Variants in SWT1 observed in about 807,000 individuals in gnomAD.
The protein encoded by SWT1 is transcriptional protein SWT1.
In SWT1, 33 loss-of-function variants were observed where a neutral mutation model predicts 107.3. That is an observed-to-expected ratio of 0.31 (90% CI 0.23 to 0.41). The LOEUF (loss-of-function observed/expected upper bound fraction) is 0.41. Among genes scored for constraint, SWT1 ranks in the 10% least tolerant of loss-of-function variants. SWT1 has a pLI of 1.00. For synonymous variants in SWT1, 345 were observed against 348.3 expected, an observed-to-expected ratio of 0.99 and a Z score of 0.11; for missense variants, 898 against 1,028.9, an observed-to-expected ratio of 0.87 and a Z score of 1.74.
chr1:185,258,636 T>C (rs1187957856), intron 16 of SWT1, among the ~76,000 whole-genome samples: 2 of 152,134 alleles, frequency 1.3e-5, no homozygotes, highest in African/African-American at 4.8e-5. Context: ...GAAAATATAA[T>C]TTTATTATCT....
rs561656802 is a variant in SWT1 at position 185,252,471 on chromosome 1, A to G, written c.2442-18852A>G. 5.6e-4 allele frequency among the ~76,000 whole-genome samples: 86 copies of G among 152,322 alleles called. No individual in the cohort carries two copies. The South Asian group carries it at 0.017, about 31-fold the overall frequency. ...GTTTCCTGACCTTTTAATGATTGCC[A>G]TTCTAACTGGTGTGAGATGGTATCC... is the stretch of plus-strand genomic sequence containing the variant. On this transcript the variant is annotated intron_variant, in intron 16 of 18. Coordinates refer to ENST00000367500, the MANE Select transcript of SWT1 (RefSeq NM_017673.7).
chr1:185,282,193 G>A (rs980513934), intron 18 of SWT1, among the ~76,000 whole-genome samples: 1 of 152,116 alleles, frequency 6.6e-6, no homozygotes, highest in African/African-American at 2.4e-5. Context: ...CAAAATTGCT[G>A]AACAGAGTGC....
At chr1:185,272,535 A>C (rs1012278958) in intron 17 of SWT1, among the ~76,000 whole-genome samples, 1 of 152,178 alleles carries the variant, frequency 6.6e-6, no homozygotes, top group African/African-American at 2.4e-5. Context: ...GTGATTAAGA[A>C]CACAGACTCT....
At position 185,168,409 on chromosome 1, in the gene SWT1, CCTTTTT is replaced by C. The variant is rs768321761; in HGVS notation, c.224+18_224+23del. ...ACAAGGACTGAAAAGGTAAATTTCT[CCTTTTT>C]CTTTTTACTGTTTTGGTTTAGAATT... On this transcript the variant is annotated intron_variant, in intron 4 of 18. Transcript: ENST00000367500. 5 of 1,367,488 alleles carry C rather than the reference CCTTTTT, an allele frequency of 3.7e-6. No individual in the cohort carries two copies. The highest frequency in any genetic ancestry group is 3.1e-5 in the African/African-American group (2 of 64,450). The allele number at this position is 1,367,488 out of a possible 1,614,324, so 84.7% of individuals were successfully genotyped here. A position where few individuals can be genotyped will look rare whatever the true frequency, so the allele number is the denominator to read the frequency against.
intron 10 of SWT1, among the ~76,000 whole-genome samples, chr1:185,194,937 T>G (rs1558030563): frequency 6.6e-6 from 1 of 152,182 alleles, no homozygotes; most frequent in Non-Finnish European, 1.5e-5. Context: ...ATACTTTATA[T>G]GCAGATTTTG....
intron 16 of SWT1, among the ~76,000 whole-genome samples, chr1:185,260,575 TTGGCGG>T (rs1342966755): frequency 1.3e-5 from 2 of 152,126 alleles, no homozygotes; most frequent in South Asian, 4.1e-4. Context: ...ATTGGTGAAT[TTGGCGG>T]TGGCAGTTTC....
intron 18 of SWT1, among the ~76,000 whole-genome samples, chr1:185,279,907 T>C (rs919418591): frequency 3.9e-5 from 6 of 152,072 alleles, no homozygotes; most frequent in African/African-American, 1.4e-4. Flanking sequence ...ATCTTTGTTT[T>C]TGTTTTTTTT....
At chr1:185,165,392 T>C (rs1427110435) in intron 2 of SWT1, among the ~76,000 whole-genome samples, 1 of 152,190 alleles carries the variant, frequency 6.6e-6, no homozygotes, top group Non-Finnish European at 1.5e-5. Flanking sequence ...TTGTAAATAA[T>C]GCAATTATCT....
At chr1:185,258,938 TG>T (rs1662826962) in intron 16 of SWT1, among the ~76,000 whole-genome samples, 1 of 152,164 alleles carries the variant, frequency 6.6e-6, no homozygotes, top group Non-Finnish European at 1.5e-5. Context: ...TTCCTATTCC[TG>T]GCTCTCGTCA....
chr1:185,175,304 G>A (rs1655450327), intron 5 of SWT1, among the ~76,000 whole-genome samples, 191 bp downstream of exon 5: 1 of 151,128 alleles, frequency 6.6e-6, no homozygotes, highest in South Asian at 2.1e-4. Context: ...CTGGCTCACT[G>A]CAGCCTTGAC....
intron 9 of SWT1, among the ~76,000 whole-genome samples, chr1:185,189,692 A>G (rs1357654018): frequency 6.6e-6 from 1 of 152,058 alleles, no homozygotes; most frequent in African/African-American, 2.4e-5. Flanking sequence ...CGAACTAACC[A>G]CATTAAATCC....
chr1:185,276,038 C>G (rs1235004365), intron 17 of SWT1, among the ~76,000 whole-genome samples: 1 of 152,028 alleles, frequency 6.6e-6, no homozygotes, highest in Admixed American at 6.6e-5. Context: ...TGCAAGTTTT[C>G]AGATTCTTCC....
chr1:185,280,811 G>T, intron 18 of SWT1: 1 of 317,292 alleles, frequency 3.2e-6, no homozygotes, highest in Non-Finnish European at 6.3e-6. Context: ...CGAGTGGCAG[G>T]GAGCCAGGAC....
chr1:185,283,573 C>T (rs1313533671), intron 18 of SWT1, among the ~76,000 whole-genome samples: 2 of 148,410 alleles, frequency 1.3e-5, no homozygotes, highest in African/African-American at 5.1e-5. Flanking sequence ...TTTGTTTGTT[C>T]CTTTATGAGA....
intron 9 of SWT1, 152 bp from the exon 10 acceptor site, chr1:185,190,397 T>C: frequency 3.7e-6 from 2 of 545,286 alleles, no homozygotes; most frequent in Non-Finnish European, 6.7e-6. Flanking sequence ...TTTGGACAAA[T>C]GTATAATGAC....
At chr1:185,282,449 G>T (rs568052373) in intron 18 of SWT1, among the ~76,000 whole-genome samples, 1 of 151,646 alleles carries the variant, frequency 6.6e-6, no homozygotes, top group Non-Finnish European at 1.5e-5. Context: ...CTTCTTGGGG[G>T]GCGGCACACA....
At chr1:185,177,964 T>C (rs1265193863) in intron 5 of SWT1, among the ~76,000 whole-genome samples, 1 of 152,160 alleles carries the variant, frequency 6.6e-6, no homozygotes, top group Non-Finnish European at 1.5e-5. Context: ...ACTAGGTATT[T>C]AGAAATGAGT....
At chr1:185,211,396 A>G (rs1187599406) in intron 13 of SWT1, among the ~76,000 whole-genome samples, 1 of 152,186 alleles carries the variant, frequency 6.6e-6, no homozygotes, top group Non-Finnish European at 1.5e-5. Context: ...CCACACATCT[A>G]CAACCATCCA....
intron 15 of SWT1, among the ~76,000 whole-genome samples, chr1:185,229,619 C>G (rs141136173): frequency 0.01 from 1,574 of 151,818 alleles, 18 homozygotes; most frequent in South Asian, 0.016. Flanking sequence ...TCCTGCCTCC[C>G]TAGCCACTCT....
Sources: gnomAD v4.1 joint callset for allele counts (sites outside exome capture counted in the v4.1 genomes callset) on GRCh38, gnomAD v4.1.1 for gene constraint, MANE v1.5 for transcripts, NCBI Gene and HGNC (gene_info 2026-07-23, HGNC 2026-07-21) for gene names.